TMEM117: variants seen among roughly 807,000 people sequenced by gnomAD.
The protein encoded by TMEM117 is transmembrane protein 117.
TMEM117 carries 27 observed loss-of-function variants against 52.4 expected under a neutral mutation model. The observed-to-expected ratio is 0.51, with a 90% CI of 0.38 to 0.71. The LOEUF is 0.71. Ranked by LOEUF, TMEM117 falls within the 30% of genes least tolerant of loss-of-function variation. The pLI is 0.00. For missense variants in TMEM117, 556 were observed against 630.5 expected, an observed-to-expected ratio of 0.88 and a Z score of 1.26; for synonymous variants, 215 against 206.3, an observed-to-expected ratio of 1.04 and a Z score of -0.36.
chr12:43,869,708 G>C (rs1943670599), intron 2 of TMEM117, among the ~76,000 whole-genome samples: 1 of 152,088 alleles, frequency 6.6e-6, no homozygotes, highest in Non-Finnish European at 1.5e-5. Context: ...TGCCTTTCAG[G>C]CTCATGCTAT....
chr12:43,891,806 G>T (rs887873918), intron 2 of TMEM117, among the ~76,000 whole-genome samples: 3 of 151,988 alleles, frequency 2.0e-5, no homozygotes, highest in Non-Finnish European at 4.4e-5. Context: ...TTTTAAAGTA[G>T]TCTGCACTTA....
chr12:43,945,932 A>G (rs1945124576), intron 3 of TMEM117, among the ~76,000 whole-genome samples: 1 of 152,198 alleles, frequency 6.6e-6, no homozygotes, highest in Non-Finnish European at 1.5e-5. Flanking sequence ...TTTTTCCCTC[A>G]CCACTAAAGG....
chr12:43,901,272 A>G (rs1944299428), intron 2 of TMEM117, among the ~76,000 whole-genome samples: 1 of 151,970 alleles, frequency 6.6e-6, no homozygotes, highest in African/African-American at 2.4e-5. Flanking sequence ...TTTTTCAACA[A>G]TAGATCATTC....
chr12:44,235,266 T>C (rs975578585), intron 5 of TMEM117, among the ~76,000 whole-genome samples: 1 of 151,648 alleles, frequency 6.6e-6, no homozygotes, highest in Admixed American at 6.6e-5. Flanking sequence ...TTTGTTGTCA[T>C]GGGTATCATT....
At chr12:43,973,128 T>C (rs1945617788) in intron 3 of TMEM117, among the ~76,000 whole-genome samples, 1 of 152,174 alleles carries the variant, frequency 6.6e-6, no homozygotes, top group Non-Finnish European at 1.5e-5. Flanking sequence ...CTGCTTTTAA[T>C]TCCTAGGGTT....
chr12:44,285,399 A>G (rs1238557631), intron 5 of TMEM117, among the ~76,000 whole-genome samples: 1 of 152,222 alleles, frequency 6.6e-6, no homozygotes, highest in African/African-American at 2.4e-5. Flanking sequence ...AGATAAGTTC[A>G]TAACTGCATC....
At position 44,366,814 on chromosome 12, in the gene TMEM117, G is replaced by C. The variant is rs142045868; in HGVS notation, c.769-9781G>C. ...TCCAGCCTATTGTTTCCAAAAGCCT[G>C]CTACATTCAAGACACAGTGAACTTA... On this transcript the variant is annotated intron_variant, in intron 6 of 7. Transcript: ENST00000266534. Among the ~76,000 whole-genome samples, 32 of 152,226 alleles carry C rather than the reference G, an allele frequency of 2.1e-4. 1 individual carries two copies. In the East Asian group the frequency reaches 6.2e-3, roughly 29 times the overall value.
At chr12:44,290,045 T>A (rs1950685484) in intron 5 of TMEM117, among the ~76,000 whole-genome samples, 1 of 152,204 alleles carries the variant, frequency 6.6e-6, no homozygotes, top group Non-Finnish European at 1.5e-5. Context: ...GCCCATTTTC[T>A]AACCAGGTTA....
chr12:43,982,340 G>C (rs1423835277), intron 3 of TMEM117, among the ~76,000 whole-genome samples: 1 of 152,096 alleles, frequency 6.6e-6, no homozygotes, highest in Non-Finnish European at 1.5e-5. Flanking sequence ...ACTACTGAGT[G>C]GCTAATGACA....
chr12:44,131,581 T>C (rs915488459), intron 3 of TMEM117, among the ~76,000 whole-genome samples: 1 of 152,178 alleles, frequency 6.6e-6, no homozygotes, highest in African/African-American at 2.4e-5. Flanking sequence ...GAGTAAAATA[T>C]GTTATTTCAC....
chr12:44,244,321 G>A (rs1397947771), intron 5 of TMEM117: 2 of 151,996 alleles, frequency 1.3e-5, no homozygotes, highest in Non-Finnish European at 2.9e-5. Context: ...ATTCTAACAG[G>A]TGTGAGGTGA....
intron 3 of TMEM117, among the ~76,000 whole-genome samples, chr12:44,002,434 G>T (rs1200616363): frequency 6.6e-6 from 1 of 152,126 alleles, no homozygotes; most frequent in Non-Finnish European, 1.5e-5. Flanking sequence ...GCAGCTCTCG[G>T]GTTGGGGTCA....
intron 3 of TMEM117, among the ~76,000 whole-genome samples, chr12:44,052,774 C>A (rs1283402970): frequency 6.6e-6 from 1 of 152,146 alleles, no homozygotes; most frequent in Non-Finnish European, 1.5e-5. Context: ...GTGCAGGGAC[C>A]ACTCTTGGCA....
intron 5 of TMEM117, among the ~76,000 whole-genome samples, chr12:44,231,527 TTTCACCTTC>T (rs1430193635): frequency 6.6e-6 from 1 of 151,780 alleles, no homozygotes; most frequent in East Asian, 1.9e-4. Flanking sequence ...AGATACATAT[TTTCACCTTC>T]ACTAGATAAT....
rs720944 is a variant in TMEM117, at chr12:43,843,500, T to C, written c.-28-1124T>C. 8.7e-3 allele frequency among the ~76,000 whole-genome samples: 1,325 copies of C among 152,156 alleles called. 38 individuals are homozygous for C. The highest frequency in any genetic ancestry group is 0.067 in the East Asian group (346 of 5,180). On this transcript the variant is annotated intron_variant, in intron 1 of 7. Coordinates refer to ENST00000266534, the MANE Select transcript of TMEM117 (RefSeq NM_032256.3). The stretch of plus-strand genomic sequence containing the variant: ...GAGGAGCTAAGCAAGACTTTGGAGG[T>C]GGGCCTGAACATTTTCATTTTAAGA...
the TMEM117 span, among the ~76,000 whole-genome samples, chr12:43,816,526 C>T: frequency 2.6e-5 from 4 of 151,906 alleles, no homozygotes; most frequent in South Asian, 2.1e-4. Context: ...ACCTCCTGTC[C>T]GTTACCTATG....
At chr12:44,091,468 G>A (rs974035066) in intron 3 of TMEM117, among the ~76,000 whole-genome samples, 1 of 152,136 alleles carries the variant, frequency 6.6e-6, no homozygotes, top group Non-Finnish European at 1.5e-5. Flanking sequence ...AGCCTGTTGA[G>A]TTTTGCCATT....
chr12:44,394,972 T>A, the TMEM117 span, among the ~76,000 whole-genome samples: 2 of 152,212 alleles, frequency 1.3e-5, no homozygotes, highest in African/African-American at 4.8e-5. Context: ...ATTCACCATA[T>A]AGACTTATTT....
intron 2 of TMEM117, among the ~76,000 whole-genome samples, chr12:43,898,834 G>A (rs35206442): frequency 0.014 from 2,126 of 152,288 alleles, 20 homozygotes; most frequent in Non-Finnish European, 0.022. Flanking sequence ...AAGATCTACC[G>A]AAAGTAGGAT....
Sources: gnomAD v4.1 joint callset for allele counts (sites outside exome capture counted in the v4.1 genomes callset) on GRCh38, gnomAD v4.1.1 for gene constraint, MANE v1.5 for transcripts, NCBI Gene and HGNC (gene_info 2026-07-23, HGNC 2026-07-21) for gene names.